The following VLDLR variants were observed in gnomAD, a reference collection of about 807,000 sequenced individuals.
VLDLR encodes the protein very low density lipoprotein receptor.
In VLDLR, 81 loss-of-function variants were observed where a neutral mutation model predicts 112.7. The observed-to-expected ratio is 0.72, with a 90% confidence interval of 0.60 to 0.86. The LOEUF is 0.86. Ranked by LOEUF, VLDLR falls within the 40% of genes least tolerant of loss-of-function variation. The pLI is 0.00. For synonymous variants in VLDLR, 436 were observed against 384.8 expected, an observed-to-expected ratio of 1.13 and a Z score of -1.56; for missense variants, 1,237 against 1,099.4, an observed-to-expected ratio of 1.13 and a Z score of -1.77.
rs545895035 is a variant in VLDLR at position 2,637,800 on chromosome 9, G to A, written c.203-2059G>A. Among the ~76,000 whole-genome samples the A allele has an allele frequency of 3.0e-4, 45 of 152,152 alleles. No individual in the cohort carries two copies. The East Asian group carries it at 7.9e-3, about 27-fold the overall frequency. ...ACTAAAAATACAAAAAAATTTAGCC[G>A]GACATGGTGGCAGGTGCCTGTAGTC... On this transcript the variant is annotated intron_variant, in intron 2 of 18. Transcript: ENST00000382100.
chr9:2,648,580 C>A, intron 13 of VLDLR, 89 bp from the exon 14 acceptor site: 1 of 1,595,022 alleles, frequency 6.3e-7, no homozygotes, highest in Non-Finnish European at 8.6e-7. Flanking sequence ...TAAACTTAGT[C>A]CATTAAATGA....
intron 8 of VLDLR, 35 bp downstream of exon 8, chr9:2,644,888 G>A: frequency 6.2e-7 from 1 of 1,614,144 alleles, no homozygotes; most frequent in Non-Finnish European, 8.5e-7. Flanking sequence ...CCCTGCAGGT[G>A]ATGGGAAAGG....
rs1818491398 is a variant in VLDLR at position 2,654,123 on chromosome 9, C to T, written c.*255C>T. On this transcript the variant is annotated 3_prime_UTR_variant, in exon 19 of 19. Coordinates refer to ENST00000382100, the MANE Select transcript of VLDLR (RefSeq NM_003383.5). ...TTGAATTTCTAGACAGTATTGCCAC[C>T]TCTGGCCAAATATGCACTTTCCCTA... 2.0e-6 allele frequency: 1 copy of T among 497,934 alleles called. No homozygotes were observed. Among genetic ancestry groups the T allele is most frequent in the Non-Finnish European group, 3.7e-6 (1 of 273,364 alleles). The allele number at this position is 497,934 out of a possible 1,614,324, so 30.8% of individuals were successfully genotyped here.
At chr9:2,623,771 G>A (rs1288865588) in intron 1 of VLDLR, among the ~76,000 whole-genome samples, 2 of 152,134 alleles carry the variant, frequency 1.3e-5, no homozygotes, top group African/African-American at 2.4e-5. Flanking sequence ...TCTCTCAAAT[G>A]CCTTCCCCTG....
rs1285614870 is a variant in VLDLR at position 2,621,875 on chromosome 9, C to A, written c.-315C>A. The A allele has an allele frequency of 5.0e-6, 3 of 597,228 alleles. No individual in the cohort carries two copies. Among genetic ancestry groups the A allele is most frequent in the South Asian group, 4.6e-5 (3 of 65,152 alleles). 37.0% of individuals were successfully genotyped at this position (597,228 alleles called of 1,614,324 possible). A position where few individuals can be genotyped will look rare whatever the true frequency, so the allele number is the denominator to read the frequency against. On this transcript the variant is annotated 5_prime_UTR_variant, in exon 1 of 19. Transcript: ENST00000382100. Reference sequence around the variant, plus strand: ...CTCTTCTGCTCTCGGCTCCCCACCCCCTCTCCCTTCCCTCCTCTCCCCTTG... The same window carrying A: ...CTCTTCTGCTCTCGGCTCCCCACCCACTCTCCCTTCCCTCCTCTCCCCTTG...
chr9:2,626,295 A>G (rs1713252927), intron 1 of VLDLR, among the ~76,000 whole-genome samples: 1 of 152,208 alleles, frequency 6.6e-6, no homozygotes, highest in Admixed American at 6.5e-5. Flanking sequence ...AATTTTATAG[A>G]CTATTTTTAA....
intron 4 of VLDLR, 91 bp from the exon 5 acceptor site, chr9:2,643,069 G>T: frequency 1.3e-6 from 2 of 1,580,892 alleles, no homozygotes; most frequent in South Asian, 1.1e-5. Context: ...TAGGATTAAT[G>T]AATAAAGATC....
chr9:2,635,278 T>C (rs1345378841), intron 1 of VLDLR, among the ~76,000 whole-genome samples, 175 bp from the exon 2 acceptor site: 1 of 152,192 alleles, frequency 6.6e-6, no homozygotes, highest in Non-Finnish European at 1.5e-5. Context: ...TGCACCCAGC[T>C]AAGAACGCAA....
At position 2,656,942 on chromosome 9, in the gene VLDLR, C is replaced by CAAAAAA. The variant is rs35624077; in HGVS notation, c.*3097_*3102dup. 6.0e-5 allele frequency: 4 copies of CAAAAAA among 67,128 alleles called. No individual in the cohort carries two copies. The highest frequency in any genetic ancestry group is 9.7e-5 in the African/African-American group (2 of 20,660). 4.2% of individuals were successfully genotyped at this position (67,128 alleles called of 1,614,324 possible). A position where few individuals can be genotyped will look rare whatever the true frequency, so the allele number is the denominator to read the frequency against. ...TCTTTAGTTCTTGATGAATACAAGG[C>CAAAAAA]AAAAAAAAAAAAAAAAAAAAAAAAA... On this transcript the variant is annotated 3_prime_UTR_variant, in exon 19 of 19. Transcript: ENST00000382100.
intron 2 of VLDLR, among the ~76,000 whole-genome samples, chr9:2,637,954 TA>T (rs1817669958): frequency 6.6e-6 from 1 of 151,750 alleles, no homozygotes. Flanking sequence ...AAAAAATAAA[TA>T]AAAATAAATA....
intron 1 of VLDLR, among the ~76,000 whole-genome samples, chr9:2,633,910 A>G (rs1477822888): frequency 6.6e-6 from 1 of 152,192 alleles, no homozygotes; most frequent in Non-Finnish European, 1.5e-5. Flanking sequence ...AAAACAACAC[A>G]GGTGATGCTT....
In VLDLR at chr9:2,622,106, C is replaced by T; in HGVS notation, c.-84C>T. 1 of 1,283,150 alleles carries T rather than the reference C, an allele frequency of 7.8e-7. No individual in the cohort carries two copies. Among genetic ancestry groups the T allele is most frequent in the Non-Finnish European group, 1.0e-6 (1 of 964,738 alleles). 79.5% of individuals were successfully genotyped at this position (1,283,150 alleles called of 1,614,324 possible). On this transcript the variant is annotated 5_prime_UTR_variant, in exon 1 of 19. Coordinates refer to ENST00000382100, the MANE Select transcript of VLDLR (RefSeq NM_003383.5). ...TTCCCCTCCCCGCCCCCACCTTCTTCCTCCTTTCGGAAGGACTGGTAACTT... is the reference window on the plus strand; with the variant it reads ...TTCCCCTCCCCGCCCCCACCTTCTTTCTCCTTTCGGAAGGACTGGTAACTT...
In VLDLR at chr9:2,648,374, G is replaced by A. The variant is rs946060996; in HGVS notation, c.1962+27G>A. 4.3e-6 allele frequency: 7 copies of A among 1,613,508 alleles called. No individual in the cohort carries two copies. The Admixed American group carries it at 1.0e-4, about 23-fold the overall frequency. On this transcript the variant is annotated intron_variant, in intron 13 of 18. Transcript: ENST00000382100. Reference sequence around the variant, plus strand: ...TAAGATGTGTCTCACATCAAAGTGTGTACCTTTGAGCTACTATATCACTTT... The same window carrying A: ...TAAGATGTGTCTCACATCAAAGTGTATACCTTTGAGCTACTATATCACTTT...
At chr9:2,644,576 C>G (rs1158152373) in intron 7 of VLDLR, among the ~76,000 whole-genome samples, 158 bp from the exon 8 acceptor site, 2 of 151,812 alleles carry the variant, frequency 1.3e-5, no homozygotes, top group African/African-American at 4.8e-5. Flanking sequence ...GATAATCCAC[C>G]CTGAAATATA....
rs1818420097 is a variant in VLDLR at position 2,652,929 on chromosome 9, G to A, written c.2566G>A (p.Val856Ile). The A allele has an allele frequency of 1.2e-6, 2 of 1,613,954 alleles. No homozygotes were observed. Among genetic ancestry groups the A allele is most frequent in the African/African-American group, 1.3e-5 (1 of 74,922 alleles). Reference sequence around the variant, plus strand: ...AGACATTGGTAGACACAGTGCTTCTGTTGGACACACGTACCCAGCAGTAAG... The same window carrying A: ...AGACATTGGTAGACACAGTGCTTCTATTGGACACACGTACCCAGCAGTAAG... Reference protein sequence around the residue: ...SIDIGRHSASVGHTYPAISVV... With the variant: ...SIDIGRHSASIGHTYPAISVV... The change falls in exon 18 of 19, where the codon GTT (valine) becomes ATT (isoleucine). Residue 856 changes from valine (V) to isoleucine (I), a missense_variant. Val to Ile is a conservative substitution (Grantham distance 29). Coordinates refer to ENST00000382100, the MANE Select transcript of VLDLR (RefSeq NM_003383.5).
intron 2 of VLDLR, 76 bp from the exon 3 acceptor site, chr9:2,639,783 C>A: frequency 6.2e-7 from 1 of 1,609,204 alleles, no homozygotes; most frequent in Non-Finnish European, 8.5e-7. Context: ...TGCCAAAATG[C>A]AGTATGAGCC....
At chr9:2,649,307 T>G (rs1462319969) in intron 14 of VLDLR, among the ~76,000 whole-genome samples, 1 of 152,194 alleles carries the variant, frequency 6.6e-6, no homozygotes, top group Non-Finnish European at 1.5e-5. Context: ...GGCCTCTTCT[T>G]GGTCTGTTGA....
intron 12 of VLDLR, 146 bp from the exon 13 acceptor site, chr9:2,648,062 C>A: frequency 9.3e-7 from 1 of 1,076,502 alleles, no homozygotes; most frequent in Non-Finnish European, 1.4e-6. Flanking sequence ...GCTCTGCATG[C>A]TGCTTCGCAA....
chr9:2,635,718 T>A, intron 2 of VLDLR, 146 bp downstream of exon 2: 2 of 1,290,432 alleles, frequency 1.5e-6, no homozygotes, highest in Non-Finnish European at 2.2e-6. Flanking sequence ...GGAATAAAAT[T>A]GAATGTTTGA....
Sources: gnomAD v4.1 joint callset for allele counts (sites outside exome capture counted in the v4.1 genomes callset) on GRCh38, gnomAD v4.1.1 for gene constraint, MANE v1.5 for transcripts, NCBI Gene and HGNC (gene_info 2026-07-23, HGNC 2026-07-21) for gene names.